Variants in SLC24A4 observed in about 807,000 individuals in gnomAD.
SLC24A4 encodes the protein sodium/potassium/calcium exchanger 4.
SLC24A4 carries 53 observed loss-of-function variants against 79.0 expected under a neutral mutation model. That is an observed-to-expected ratio of 0.67 (90% confidence interval 0.54 to 0.84). SLC24A4 has a LOEUF of 0.84. SLC24A4 is among the 40% of genes least tolerant of loss of function. SLC24A4 has a pLI of 0.00. For missense variants in SLC24A4, 731 were observed against 822.0 expected, an observed-to-expected ratio of 0.89 and a Z score of 1.35; for synonymous variants, 323 against 323.8, an observed-to-expected ratio of 1.00 and a Z score of 0.03.
chr14:92,449,204 T>C lies in SLC24A4; in HGVS notation c.868T>C (p.Leu290=), dbSNP rs1566775691. ...TAGCTATGATGACCCTTCCGTGCCATTGCTGGGGCAAGGTAAGGCTGAGCA... is the reference window on the plus strand; with the variant it reads ...TAGCTATGATGACCCTTCCGTGCCACTGCTGGGGCAAGGTAAGGCTGAGCA... ...DGSYDDPSVP[L]LGQVKEKPQY... The change falls in exon 10 of 17, where the codon TTG becomes CTG. Residue 290 remains leucine (L), a synonymous_variant. Coordinates refer to ENST00000532405, the MANE Select transcript of SLC24A4 (RefSeq NM_153646.4). 1.2e-6 allele frequency: 2 copies of C among 1,613,990 alleles called. No homozygotes were observed. The highest frequency in any genetic ancestry group is 1.7e-6 in the Non-Finnish European group (2 of 1,180,000).
At chr14:92,460,729 A>G (rs548948584) in intron 12 of SLC24A4, among the ~76,000 whole-genome samples, 70 of 152,268 alleles carry the variant, frequency 4.6e-4, no homozygotes, top group African/African-American at 1.6e-3. Context: ...AGATGACCAC[A>G]CAATGTTCTT....
chr14:92,488,861 A>G (rs1895518933), intron 14 of SLC24A4, among the ~76,000 whole-genome samples: 1 of 152,228 alleles, frequency 6.6e-6, no homozygotes, highest in South Asian at 2.1e-4. Context: ...GGAAATGTGC[A>G]GTTTAAACAA....
intron 2 of SLC24A4, among the ~76,000 whole-genome samples, chr14:92,346,706 T>C (rs1476587849): frequency 1.3e-5 from 2 of 152,352 alleles, no homozygotes; most frequent in Non-Finnish European, 2.9e-5. Flanking sequence ...TTCTCAACTT[T>C]GGCTGCTCAT....
chr14:92,349,431 A>T (rs901421822), intron 2 of SLC24A4, among the ~76,000 whole-genome samples: 3 of 152,238 alleles, frequency 2.0e-5, no homozygotes, highest in African/African-American at 7.2e-5. Flanking sequence ...AAGTGCTGGG[A>T]TTACAGGCGT....
At position 92,338,765 on chromosome 14, in the gene SLC24A4, C is replaced by T. The variant is rs546628708; in HGVS notation, c.241+12787C>T. Among the ~76,000 whole-genome samples, 5 of 152,330 alleles carry T rather than the reference C, an allele frequency of 3.3e-5. No homozygotes were observed. The South Asian group carries it at 1.0e-3, about 32-fold the overall frequency. On this transcript the variant is annotated intron_variant, in intron 2 of 16. Coordinates refer to ENST00000532405, the MANE Select transcript of SLC24A4 (RefSeq NM_153646.4). ...AGGAGGCCTATTGGGGGCAGTCTCCCTGACCTCAGGTGGAAAGCCATCCTT... is the reference window on the plus strand; with the variant it reads ...AGGAGGCCTATTGGGGGCAGTCTCCTTGACCTCAGGTGGAAAGCCATCCTT...
intron 14 of SLC24A4, among the ~76,000 whole-genome samples, 195 bp downstream of exon 14, chr14:92,486,975 C>CTTGG (rs1566805165): frequency 3.9e-5 from 6 of 152,176 alleles, no homozygotes; most frequent in African/African-American, 1.4e-4. Context: ...CCAAGATGAA[C>CTTGG]TCCTCCAGAC....
intron 2 of SLC24A4, among the ~76,000 whole-genome samples, chr14:92,400,167 G>C (rs186591934): frequency 6.6e-6 from 1 of 152,174 alleles, no homozygotes; most frequent in Non-Finnish European, 1.5e-5. Context: ...GAGGCCGAGC[G>C]TGGTGGCTCA....
chr14:92,387,333 C>A (rs1196575259), intron 2 of SLC24A4, among the ~76,000 whole-genome samples: 1 of 152,036 alleles, frequency 6.6e-6, no homozygotes, highest in African/African-American at 2.4e-5. Flanking sequence ...CCCACCACCA[C>A]GCCCGGCTAA....
At chr14:92,432,068 G>A (rs923083770) in intron 2 of SLC24A4, among the ~76,000 whole-genome samples, 1 of 152,210 alleles carries the variant, frequency 6.6e-6, no homozygotes, top group African/African-American at 2.4e-5. Flanking sequence ...CCAGGAAGGT[G>A]TGGATGGGTA....
At chr14:92,474,843 G>GTGTGTGTGTGTATATATA (rs779007741) in intron 12 of SLC24A4, among the ~76,000 whole-genome samples, 4 of 23,882 alleles carry the variant, frequency 1.7e-4, no homozygotes, top group African/African-American at 2.9e-4. Context: ...GTGTGTGTGT[G>GTGTGTGTGTGTATATATA]TATATATATA....
In SLC24A4 at chr14:92,422,486, C is replaced by G. The variant is rs1224449462; in HGVS notation, c.242-11426C>G. Among the ~76,000 whole-genome samples, 3 of 152,224 alleles carry G rather than the reference C, an allele frequency of 2.0e-5. No individual in the cohort carries two copies. In the South Asian group the frequency reaches 6.2e-4, roughly 32 times the overall value. ...TTGGCTCTGCCACTTACTGGCTGCACCTTGGGCAAATTACTTAACCTTTCT... is the reference window on the plus strand; with the variant it reads ...TTGGCTCTGCCACTTACTGGCTGCAGCTTGGGCAAATTACTTAACCTTTCT... On this transcript the variant is annotated intron_variant, in intron 2 of 16. Coordinates refer to ENST00000532405, the MANE Select transcript of SLC24A4 (RefSeq NM_153646.4).
chr14:92,446,909 TA>T (rs1892827601), intron 8 of SLC24A4, among the ~76,000 whole-genome samples: 1 of 152,188 alleles, frequency 6.6e-6, no homozygotes, highest in South Asian at 2.1e-4. Context: ...ACCTGCCGCA[TA>T]TTCAGTCAGC....
At chr14:92,479,702 G>A (rs61977318) in intron 12 of SLC24A4, among the ~76,000 whole-genome samples, 7,991 of 152,226 alleles carry the variant, frequency 0.052, 313 homozygotes, top group Non-Finnish European at 0.081. Context: ...GTTTGGTATC[G>A]AAGTAATACT....
chr14:92,405,762 A>T (rs1015080409), intron 2 of SLC24A4, among the ~76,000 whole-genome samples: 66 of 152,228 alleles, frequency 4.3e-4, no homozygotes, highest in Non-Finnish European at 7.9e-4. Flanking sequence ...TGCCTCCATG[A>T]TGTAATCACC....
rs1490466536 is a variant in SLC24A4, at chr14:92,406,305, C to T, written c.242-27607C>T. Among the ~76,000 whole-genome samples the T allele has an allele frequency of 1.3e-5, 2 of 152,188 alleles. 1 individual carries two copies. The highest frequency in any genetic ancestry group is 1.3e-4 in the Admixed American group (2 of 15,274). On this transcript the variant is annotated intron_variant, in intron 2 of 16. Coordinates refer to ENST00000532405, the MANE Select transcript of SLC24A4 (RefSeq NM_153646.4). ...CAGTTTTCACGGCTGGTGTTGAATG[C>T]CTGTGGCTTTTCCAGGTGCACGGTG...
chr14:92,336,127 C>T (rs1464196018), intron 2 of SLC24A4, among the ~76,000 whole-genome samples: 3 of 151,936 alleles, frequency 2.0e-5, no homozygotes, highest in Admixed American at 6.6e-5. Flanking sequence ...ATCCAGAGAG[C>T]GCCCACTCGG....
At chr14:92,371,455 A>G (rs1017228924) in intron 2 of SLC24A4, among the ~76,000 whole-genome samples, 3 of 152,232 alleles carry the variant, frequency 2.0e-5, no homozygotes, top group African/African-American at 7.2e-5. Flanking sequence ...AACTCAGGCT[A>G]AAACCCACCT....
chr14:92,423,109 C>T (rs1029572051), intron 2 of SLC24A4, among the ~76,000 whole-genome samples: 10 of 151,186 alleles, frequency 6.6e-5, no homozygotes, highest in African/African-American at 2.4e-4. Context: ...CCGCACCCAG[C>T]CCCTAATTTA....
intron 2 of SLC24A4, among the ~76,000 whole-genome samples, chr14:92,336,609 A>C (rs944184164): frequency 2.0e-5 from 3 of 152,134 alleles, no homozygotes; most frequent in African/African-American, 7.2e-5. Flanking sequence ...ATGTCCACAC[A>C]CCCTGTACTG....
Sources: allele counts gnomAD v4.1 joint callset (sites outside exome capture counted in the v4.1 genomes callset), GRCh38; gene constraint gnomAD v4.1.1; transcripts MANE v1.5; gene names NCBI Gene and HGNC (gene_info 2026-07-23, HGNC 2026-07-21).